PKNOX2: variants seen among roughly 807,000 people sequenced by gnomAD.
The protein encoded by PKNOX2 is homeobox protein PKNOX2.
PKNOX2 carries 14 observed loss-of-function variants against 53.1 expected under a neutral mutation model. The ratio of observed to expected loss-of-function variants is 0.26; its 90% CI spans 0.17 to 0.41. PKNOX2 has a LOEUF of 0.41. PKNOX2 is among the 10% of genes least tolerant of loss of function. The pLI is 1.00. For synonymous variants in PKNOX2, 257 were observed against 242.8 expected (o/e 1.06, Z -0.54); for missense variants, 496 against 602.8 (o/e 0.82, Z 1.85).
chr11:125,255,007 G>A (rs1944308332), intron 2 of PKNOX2, among the ~76,000 whole-genome samples: 1 of 152,202 alleles, frequency 6.6e-6, no homozygotes, highest in Admixed American at 6.5e-5. Context: ...GCTAGATATT[G>A]AGGATGCAAC....
At chr11:125,313,706 G>A (rs528237807) in intron 2 of PKNOX2, among the ~76,000 whole-genome samples, 2 of 152,214 alleles carry the variant, frequency 1.3e-5, no homozygotes, top group Admixed American at 6.5e-5. Context: ...ACTGTCTAAC[G>A]TGGCAGCTGG....
intron 1 of PKNOX2, among the ~76,000 whole-genome samples, chr11:125,229,168 T>A (rs1941985529): frequency 6.6e-6 from 1 of 152,026 alleles, no homozygotes; most frequent in Non-Finnish European, 1.5e-5. Flanking sequence ...GCTGAGAACA[T>A]AATGCGACAC....
At chr11:125,307,991 G>T (rs1948571667) in intron 2 of PKNOX2, among the ~76,000 whole-genome samples, 1 of 152,152 alleles carries the variant, frequency 6.6e-6, no homozygotes, top group Non-Finnish European at 1.5e-5. Context: ...GACCCAAAAA[G>T]GCAAACATCG....
chr11:125,195,947 C>T (rs374445565), intron 1 of PKNOX2, among the ~76,000 whole-genome samples: 1 of 151,868 alleles, frequency 6.6e-6, no homozygotes, highest in East Asian at 1.9e-4. Flanking sequence ...ATCCCAGACA[C>T]AGAAACTCCA....
chr11:125,296,779 G>T (rs1296170526), intron 2 of PKNOX2, among the ~76,000 whole-genome samples: 1 of 152,162 alleles, frequency 6.6e-6, no homozygotes, highest in Non-Finnish European at 1.5e-5. Flanking sequence ...GGGACTACAG[G>T]TGTGCGCCAC....
intron 2 of PKNOX2, among the ~76,000 whole-genome samples, chr11:125,298,129 C>T (rs111570512): frequency 9.2e-5 from 14 of 152,300 alleles, no homozygotes; most frequent in African/African-American, 3.4e-4. Flanking sequence ...GCTGAATAAG[C>T]TGGAGTGAGA....
At chr11:125,359,999 C>T (rs1951835635) in intron 4 of PKNOX2, among the ~76,000 whole-genome samples, 1 of 152,152 alleles carries the variant, frequency 6.6e-6, no homozygotes, top group African/African-American at 2.4e-5. Flanking sequence ...GCTGGGATTA[C>T]AGGCGTGAGC....
At chr11:125,206,669 T>C (rs1391412204) in intron 1 of PKNOX2, among the ~76,000 whole-genome samples, 1 of 152,070 alleles carries the variant, frequency 6.6e-6, no homozygotes, top group East Asian at 1.9e-4. Flanking sequence ...AATTTCCTAA[T>C]CTGTTAAGAG....
chr11:125,189,413 A>ATGTGTGTATATATATG (rs1956670237), intron 1 of PKNOX2, among the ~76,000 whole-genome samples: 4 of 65,158 alleles, frequency 6.1e-5, no homozygotes, highest in African/African-American at 2.2e-4. Context: ...GTATATATAT[A>ATGTGTGTATATATATG]TGTGTGTGTG....
chr11:125,379,055 C>CTTTTT (rs35310311), intron 5 of PKNOX2, among the ~76,000 whole-genome samples: 3 of 124,442 alleles, frequency 2.4e-5, no homozygotes, highest in African/African-American at 3.2e-5. Context: ...TTTTCTTTCT[C>CTTTTT]TTTTTTTTTT....
chr11:125,430,024 G>A lies in PKNOX2; in HGVS notation c.1075G>A (p.Ala359Thr), dbSNP rs1417505552. ...PMLDASNPDP[A>T]PKAKKIKSQH... Reference sequence around the variant, plus strand: ...GCTTGATGCCAGCAACCCAGATCCTGCCCCCAAAGCCAAGAAGATCAAGTC... The same window carrying A: ...GCTTGATGCCAGCAACCCAGATCCTACCCCCAAAGCCAAGAAGATCAAGTC... Residue 359 changes from alanine (A) to threonine (T), a missense_variant, in exon 12 of 13, where the codon GCC (alanine) becomes ACC (threonine). This residue lies in a region of PKNOX2 where 139 missense variants were observed against 161.3 expected (regional missense o/e 0.86). Coordinates refer to ENST00000298282, the MANE Select transcript of PKNOX2 (RefSeq NM_001382323.2). 1.2e-5 allele frequency: 20 copies of A among 1,614,144 alleles called. No homozygotes were observed. The highest frequency in any genetic ancestry group is 1.7e-5 in the Non-Finnish European group (20 of 1,180,028).
At position 125,178,686 on chromosome 11, in the gene PKNOX2, G is replaced by A. The variant is rs1415794369; in HGVS notation, c.-201+13910G>A. Among the ~76,000 whole-genome samples the A allele has an allele frequency of 4.5e-3, 607 of 135,722 alleles. 52 individuals are homozygous for A. Among genetic ancestry groups the A allele is most frequent in the African/African-American group, 0.018 (570 of 31,644 alleles). 89.0% of individuals were successfully genotyped at this position (135,722 alleles called of 152,430 possible). Reference sequence around the variant, plus strand: ...GGAAGGAAGGAAAGAAAGAGAGAGAGAGAGAGAGAGAGAAAGAAAGAAAGA... The same window carrying A: ...GGAAGGAAGGAAAGAAAGAGAGAGAAAGAGAGAGAGAGAAAGAAAGAAAGA... On this transcript the variant is annotated intron_variant, in intron 1 of 12. Coordinates refer to ENST00000298282, the MANE Select transcript of PKNOX2 (RefSeq NM_001382323.2).
intron 1 of PKNOX2, among the ~76,000 whole-genome samples, chr11:125,222,644 C>CGTATGTGTGTGCGTGT (rs1555120676): frequency 0.016 from 2,134 of 129,804 alleles, 54 homozygotes; most frequent in African/African-American, 0.059. Flanking sequence ...TATGTGTGTG[C>CGTATGTGTGTGCGTGT]GTATGTGTGT....
In PKNOX2 at chr11:125,259,644, C is replaced by T. The variant is rs79749322; in HGVS notation, c.-130+24529C>T. ...CCTTTGCCTCTGGCTGAAGGGCATC[C>T]TTGGCATGTCTTCCTTTGGGATCCT... On this transcript the variant is annotated intron_variant, in intron 2 of 12. Coordinates refer to ENST00000298282, the MANE Select transcript of PKNOX2 (RefSeq NM_001382323.2). Among the ~76,000 whole-genome samples, 461 of 152,280 alleles carry T rather than the reference C, an allele frequency of 3.0e-3. 2 individuals are homozygous for T. The highest frequency in any genetic ancestry group is 0.011 in the African/African-American group (437 of 41,566).
intron 3 of PKNOX2, among the ~76,000 whole-genome samples, chr11:125,344,401 T>A (rs1015946984): frequency 6.6e-6 from 1 of 152,210 alleles, no homozygotes; most frequent in Admixed American, 6.5e-5. Context: ...GAAGGGTCTC[T>A]GGGTTTTCTG....
At chr11:125,221,950 G>A (rs188888858) in intron 1 of PKNOX2, among the ~76,000 whole-genome samples, 1 of 152,320 alleles carries the variant, frequency 6.6e-6, no homozygotes, top group African/African-American at 2.4e-5. Flanking sequence ...CTGAGGCAGA[G>A]ACCTAACACA....
chr11:125,206,689 A>G (rs981214330), intron 1 of PKNOX2, among the ~76,000 whole-genome samples: 1 of 152,140 alleles, frequency 6.6e-6, no homozygotes, highest in Non-Finnish European at 1.5e-5. Flanking sequence ...GGGCGAAATC[A>G]TAGTACTTAC....
At chr11:125,323,860 T>A (rs1286058227) in intron 2 of PKNOX2, among the ~76,000 whole-genome samples, 1 of 151,992 alleles carries the variant, frequency 6.6e-6, no homozygotes, top group Non-Finnish European at 1.5e-5. Flanking sequence ...TGGGGTTGTG[T>A]GTGTGTGTGT....
rs1266813576 is a variant in PKNOX2, at chr11:125,370,196, C to A, written c.227+2211C>A. Among the ~76,000 whole-genome samples, 1 of 152,162 alleles carries A rather than the reference C, an allele frequency of 6.6e-6. No homozygotes were observed. Among genetic ancestry groups the A allele is most frequent in the Non-Finnish European group, 1.5e-5 (1 of 68,036 alleles). On this transcript the variant is annotated intron_variant, in intron 5 of 12. Coordinates refer to ENST00000298282, the MANE Select transcript of PKNOX2 (RefSeq NM_001382323.2). This position sits in a 1 kb window ranked among gnomAD's most constrained non-coding sequence, Gnocchi z 4.1. The stretch of plus-strand genomic sequence containing the variant: ...TCTGAGCTTTCATGTCCCGATGGAA[C>A]CTAAGCAGCAGACTTGATAAGAATC...
Sources: allele counts gnomAD v4.1 joint callset (sites outside exome capture counted in the v4.1 genomes callset), GRCh38; gene constraint gnomAD v4.1.1; regional missense constraint gnomAD v4.1.1; non-coding constraint Gnocchi (gnomAD v3.1); transcripts MANE v1.5; gene names NCBI Gene and HGNC (gene_info 2026-07-23, HGNC 2026-07-21).